The following FMNL1 variants were observed in gnomAD, a reference collection of about 807,000 sequenced individuals.
The protein encoded by FMNL1 is formin-like protein 1.
FMNL1 carries 43 observed loss-of-function variants against 121.3 expected under a neutral mutation model. The observed-to-expected ratio is 0.35, with a 90% CI of 0.28 to 0.46. The LOEUF (loss-of-function observed/expected upper bound fraction) is 0.46, where lower values mean the gene tolerates loss of function less well. FMNL1 is among the 20% of genes least tolerant of loss of function. The pLI is 1.00. For synonymous variants in FMNL1, 613 were observed against 613.5 expected (o/e 1.00, Z 0.01); for missense variants, 1,191 against 1,482.4 (o/e 0.80, Z 3.23).
chr17:45,237,468 C>T lies in FMNL1; in HGVS notation c.801-78C>T, dbSNP rs1401929070. ...GGCTCATTCTGCACCCACTATGCTC[C>T]TCCTAGCCAGGCCTGTGCCCACCCT... On this transcript the variant is annotated intron_variant, in intron 8 of 26. Transcript: ENST00000331495. The surrounding 1 kb of genome is among the most constrained non-coding windows in gnomAD (Gnocchi z 4.4). 1.2e-6 allele frequency: 2 copies of T among 1,608,128 alleles called. No individual in the cohort carries two copies. The highest frequency in any genetic ancestry group is 1.7e-6 in the Non-Finnish European group (2 of 1,174,910).
In FMNL1 at chr17:45,233,328, G is replaced by A. The variant is rs1473963030; in HGVS notation, c.401+31G>A. On this transcript the variant is annotated intron_variant, in intron 4 of 26. Transcript: ENST00000331495. This position sits in a 1 kb window ranked among gnomAD's most constrained non-coding sequence, Gnocchi z 4.1. ...TGAGGGCTCAGATCTTCCTCTCTGGGCCTAGGAAGGCTCTGCTTCCAGGCA... is the reference window on the plus strand; with the variant it reads ...TGAGGGCTCAGATCTTCCTCTCTGGACCTAGGAAGGCTCTGCTTCCAGGCA... 1.3e-6 allele frequency: 2 copies of A among 1,546,072 alleles called. No individual in the cohort carries two copies. Among genetic ancestry groups the A allele is most frequent in the South Asian group, 2.4e-5 (2 of 83,936 alleles).
chr17:45,243,575 G>A (rs1598210145), intron 17 of FMNL1, among the ~76,000 whole-genome samples: 1 of 152,226 alleles, frequency 6.6e-6, no homozygotes. Flanking sequence ...CCGGGCGTCC[G>A]CCGCTGACGT....
chr17:45,228,095 G>T (rs943049304), intron 1 of FMNL1, among the ~76,000 whole-genome samples: 3 of 152,134 alleles, frequency 2.0e-5, no homozygotes, highest in African/African-American at 7.2e-5. Flanking sequence ...TGGTCTGGGG[G>T]TCTGTTCCTG....
At position 45,240,463 on chromosome 17, in the gene FMNL1, A is replaced by G. The variant is rs773772079; in HGVS notation, c.1081-13A>G. 2.7e-5 allele frequency: 43 copies of G among 1,604,488 alleles called. No homozygotes were observed. Among genetic ancestry groups the G allele is most frequent in the Non-Finnish European group, 3.4e-5 (40 of 1,174,656 alleles). On this transcript the variant is annotated splice_polypyrimidine_tract_variant and intron_variant, in intron 11 of 26. Coordinates refer to ENST00000331495, the MANE Select transcript of FMNL1 (RefSeq NM_005892.4). The stretch of plus-strand genomic sequence containing the variant: ...CACCAGGCCTCACCCCACTCCTTCC[A>G]TCTGGGGGACAGAGGCTTCGGCTCA...
At chr17:45,230,461 C>A in intron 1 of FMNL1, 143 bp from the exon 2 acceptor site, 1 of 656,264 alleles carries the variant, frequency 1.5e-6, no homozygotes, top group Non-Finnish European at 2.7e-6. Flanking sequence ...CATTGGATAA[C>A]ACTACGTATC....
chr17:45,237,157 C>A lies in FMNL1; in HGVS notation c.724-124C>A. ...AAACAAGGCCAGGTTTTGGTGGCCACAGAAGTTGCGGTTGGATACAAAGAA... is the reference window on the plus strand; with the variant it reads ...AAACAAGGCCAGGTTTTGGTGGCCAAAGAAGTTGCGGTTGGATACAAAGAA... On this transcript the variant is annotated intron_variant, in intron 7 of 26. Transcript: ENST00000331495. The surrounding 1 kb of genome is among the most constrained non-coding windows in gnomAD (Gnocchi z 4.4). 1 of 797,062 alleles carries A rather than the reference C, an allele frequency of 1.3e-6. No individual in the cohort carries two copies. The highest frequency in any genetic ancestry group is 2.1e-6 in the Non-Finnish European group (1 of 486,516). The allele number at this position is 797,062 out of a possible 1,614,324, so 49.4% of individuals were successfully genotyped here.
At chr17:45,245,506 T>C (rs2043810167) in intron 22 of FMNL1, 90 bp downstream of exon 22, 2 of 1,605,186 alleles carry the variant, frequency 1.2e-6, no homozygotes, top group Non-Finnish European at 1.7e-6. Context: ...CTGGGACCCC[T>C]TGGGGGGATG....
intron 16 of FMNL1, 123 bp downstream of exon 16, chr17:45,242,588 C>T (rs2043732722): frequency 1.4e-6 from 2 of 1,430,844 alleles, no homozygotes; most frequent in Non-Finnish European, 1.9e-6. Flanking sequence ...AGGGGGAGGC[C>T]CAGGGATGGG....
intron 6 of FMNL1, 163 bp downstream of exon 6, chr17:45,234,363 T>A: frequency 8.0e-7 from 1 of 1,247,754 alleles, no homozygotes; most frequent in Non-Finnish European, 1.1e-6. Context: ...ACCAGTATGT[T>A]AAGAAGCCAT....
In FMNL1 at chr17:45,243,247, C is replaced by T. The variant is rs1302823411; in HGVS notation, c.2140C>T (p.Arg714Trp). Residue 714 changes from arginine (R) to tryptophan (W), a missense_variant, in exon 17 of 27, where the codon CGG becomes TGG. By Grantham distance (101) the Arg-to-Trp change is moderately radical. Around this residue, in one of 4 missense-constraint regions of FMNL1, gnomAD observed 367 missense variants for 528.6 expected, o/e 0.69. Transcript: ENST00000331495. ...CAAGGCGACACTCATTGAGGCCAAC[C>T]GGGCCAAGAACTTGGCCATCACCCT... ...PSKATLIEAN[R>W]AKNLAITLRK... The T allele has an allele frequency of 3.1e-6, 5 of 1,614,098 alleles. No homozygotes were observed. Among genetic ancestry groups the T allele is most frequent in the South Asian group, 1.1e-5 (1 of 91,082 alleles).
At chr17:45,229,262 C>T (rs967248699) in intron 1 of FMNL1, among the ~76,000 whole-genome samples, 17 of 152,232 alleles carry the variant, frequency 1.1e-4, no homozygotes, top group African/African-American at 4.1e-4. Flanking sequence ...GGCCGGAAAG[C>T]TTAGGCAATG....
intron 1 of FMNL1, among the ~76,000 whole-genome samples, chr17:45,228,128 C>T (rs923056005): frequency 1.2e-4 from 18 of 152,200 alleles, no homozygotes; most frequent in African/African-American, 2.9e-4. Context: ...CCTCACTCCA[C>T]CCCGAGTGAG....
At chr17:45,242,521 T>A in intron 16 of FMNL1, 56 bp downstream of exon 16, 1 of 1,581,918 alleles carries the variant, frequency 6.3e-7, no homozygotes. Flanking sequence ...GGGAGTTGCC[T>A]GGATCAGGCT....
At position 45,247,108 on chromosome 17, in the gene FMNL1, C is replaced by T; in HGVS notation, c.*250C>T. 1.7e-6 allele frequency: 1 copy of T among 597,888 alleles called. No individual in the cohort carries two copies. Among genetic ancestry groups the T allele is most frequent in the Non-Finnish European group, 3.0e-6 (1 of 331,480 alleles). The allele number at this position is 597,888 out of a possible 1,614,324, so 37.0% of individuals were successfully genotyped here. On this transcript the variant is annotated 3_prime_UTR_variant, in exon 27 of 27. Transcript: ENST00000331495. Reference sequence around the variant, plus strand: ...CGCCTCAAACGGGCTGGTGCATCCTCCTCTTGGCCACAGAGGGCAGCATCG... The same window carrying T: ...CGCCTCAAACGGGCTGGTGCATCCTTCTCTTGGCCACAGAGGGCAGCATCG...
At chr17:45,246,185 A>G (rs960416599) in intron 24 of FMNL1, 25 bp from the exon 25 acceptor site, 1 of 1,593,616 alleles carries the variant, frequency 6.3e-7, no homozygotes, top group Non-Finnish European at 8.6e-7. Flanking sequence ...GGCATCCTGG[A>G]GCTGGAGCTA....
rs76949926 is a variant in FMNL1, at chr17:45,243,187, G to A, written c.2080G>A (p.Ala694Thr). Residue 694 changes from alanine (A) to threonine (T), a missense_variant, in exon 17 of 27, where the codon GCT becomes ACT. By Grantham distance (58) the Ala-to-Thr change is moderately conservative (BLOSUM62 0). This residue lies in a region of FMNL1 where 519 missense variants were observed against 492.8 expected (regional missense o/e 1.05). Coordinates refer to ENST00000331495, the MANE Select transcript of FMNL1 (RefSeq NM_005892.4). ...CCAAGGCCCCAGCCTGGACCTCAGC[G>A]CTCTCAAGAGTAAGGCAGCCCAGAA... ...KSQGPSLDLSALKSKAAQKAP... is the reference protein window; with the variant it reads ...KSQGPSLDLSTLKSKAAQKAP... 1.4e-3 allele frequency: 2,310 copies of A among 1,614,212 alleles called. 17 individuals carry two copies. In the African/African-American group the frequency reaches 0.021, roughly 14 times the overall value.
intron 15 of FMNL1, 42 bp downstream of exon 15, chr17:45,242,188 A>C: frequency 2.0e-6 from 3 of 1,528,090 alleles, no homozygotes; most frequent in Non-Finnish European, 2.6e-6. Context: ...CTGGGGGGAG[A>C]TGGAGGGAGG....
rs755161793 is a variant in FMNL1 at position 45,246,360 on chromosome 17, C to T, written c.3211+30C>T. ...GGGCTTGGCCAGGCCTTGGTCTTAT[C>T]CTCAGTCTGTCCTTCTATGCTTTCT... On this transcript the variant is annotated intron_variant, in intron 25 of 26. Transcript: ENST00000331495. The T allele has an allele frequency of 1.9e-6, 3 of 1,614,106 alleles. No homozygotes were observed. The South Asian group carries it at 3.3e-5, about 18-fold the overall frequency.
Position 45,243,215 on chromosome 17 carries a change from C to A in FMNL1, c.2108C>A (p.Ala703Asp), listed in dbSNP as rs1451842144. 4 of 1,614,088 alleles carry A rather than the reference C, an allele frequency of 2.5e-6. No individual in the cohort carries two copies. Among genetic ancestry groups the A allele is most frequent in the East Asian group, 4.5e-5 (2 of 44,900 alleles). The change falls in exon 17 of 27, where the codon GCC becomes GAC. Residue 703 changes from alanine (A) to aspartate (D), a missense_variant. Ala to Asp is a moderately radical substitution (Grantham distance 126). Coordinates refer to ENST00000331495, the MANE Select transcript of FMNL1 (RefSeq NM_005892.4). ...SALKSKAAQK[A>D]PSKATLIEAN... is the part of the protein sequence containing the mutation. ...CTCAAGAGTAAGGCAGCCCAGAAGG[C>A]CCCCAGCAAGGCGACACTCATTGAG... is the stretch of plus-strand genomic sequence containing the variant.
Sources: allele counts gnomAD v4.1 joint callset (sites outside exome capture counted in the v4.1 genomes callset), GRCh38; gene constraint gnomAD v4.1.1; regional missense constraint gnomAD v4.1.1; non-coding constraint Gnocchi (gnomAD v3.1); transcripts MANE v1.5; gene names NCBI Gene and HGNC (gene_info 2026-07-23, HGNC 2026-07-21).